DYNC2I2: variants seen among roughly 807,000 people sequenced by gnomAD.
DYNC2I2 encodes cytoplasmic dynein 2 intermediate chain 2.
Under a neutral mutation model 52.0 loss-of-function variants are expected in DYNC2I2, and 39 were observed. The observed-to-expected ratio is 0.75, with a 90% CI of 0.58 to 0.98. The LOEUF (loss-of-function observed/expected upper bound fraction) is 0.98. Ranked by LOEUF, DYNC2I2 falls within the 50% of genes least tolerant of loss-of-function variation. The pLI is 0.00. For synonymous variants in DYNC2I2, 359 were observed against 321.1 expected (o/e 1.12, Z -1.26); for missense variants, 743 against 728.4 (o/e 1.02, Z -0.23).
the DYNC2I2 span, among the ~76,000 whole-genome samples, chr9:128,667,365 G>A: frequency 7.3e-5 from 11 of 151,706 alleles, no homozygotes; most frequent in South Asian, 6.3e-4. Flanking sequence ...TCACACTGTC[G>A]CCCAGGATGG....
the DYNC2I2 span, among the ~76,000 whole-genome samples, chr9:128,674,469 C>T: frequency 1.4e-5 from 2 of 145,934 alleles, no homozygotes; most frequent in South Asian, 2.5e-4. Flanking sequence ...TTTGGCCTGG[C>T]GTGGTGGCTC....
the DYNC2I2 span, among the ~76,000 whole-genome samples, chr9:128,668,165 T>C: frequency 2.0e-5 from 3 of 151,848 alleles, no homozygotes; most frequent in Non-Finnish European, 4.4e-5. Flanking sequence ...TTCATCATGT[T>C]GGCCAGGATG....
At chr9:128,668,003 C>CT in the DYNC2I2 span, among the ~76,000 whole-genome samples, 1 of 124,458 alleles carries the variant, frequency 8.0e-6, no homozygotes, top group African/African-American at 3.4e-5. Context: ...GCTCTGTCAC[C>CT]AGGCTGGAGT....
the DYNC2I2 span, among the ~76,000 whole-genome samples, chr9:128,668,127 A>AT: frequency 6.6e-6 from 1 of 150,978 alleles, no homozygotes; most frequent in African/African-American, 2.4e-5. Flanking sequence ...TGCCCAGCTA[A>AT]TTTTTGTACT....
At chr9:128,668,978 C>A in the DYNC2I2 span, among the ~76,000 whole-genome samples, 1 of 152,014 alleles carries the variant, frequency 6.6e-6, no homozygotes, top group South Asian at 2.1e-4. Context: ...CACCTGTAAT[C>A]CCAGCACTTT....
chr9:128,672,424 C>T, the DYNC2I2 span, among the ~76,000 whole-genome samples: 51 of 151,294 alleles, frequency 3.4e-4, no homozygotes, highest in African/African-American at 1.2e-3. Context: ...AAACTCCTGA[C>T]CTCAGGTGAT....
chr9:128,661,660 G>C (rs1008089297), upstream of DYNC2I2, among the ~76,000 whole-genome samples: 8 of 152,000 alleles, frequency 5.3e-5, no homozygotes, highest in Admixed American at 2.6e-4. Flanking sequence ...GTGGTGTCAG[G>C]CACCTGTATT....
At chr9:128,635,853 G>T in intron 4 of DYNC2I2, 86 bp from the exon 5 acceptor site, 1 of 1,187,910 alleles carries the variant, frequency 8.4e-7, no homozygotes. Context: ...CCCACCTACA[G>T]GGCCAGGGCC....
the DYNC2I2 span, among the ~76,000 whole-genome samples, chr9:128,682,273 C>T: frequency 1.3e-5 from 2 of 151,950 alleles, no homozygotes; most frequent in Non-Finnish European, 2.9e-5. Flanking sequence ...CGATCTCGAT[C>T]TCCTGACCTC....
chr9:128,635,414 TC>T, intron 5 of DYNC2I2, 155 bp from the exon 6 acceptor site: 2 of 971,298 alleles, frequency 2.1e-6, no homozygotes, highest in Non-Finnish European at 3.0e-6. Flanking sequence ...CCTGGAGGGT[TC>T]CCAGGGCCCT....
chr9:128,656,541 C>A lies in DYNC2I2; in HGVS notation c.186G>T (p.Thr62=), dbSNP rs772526069. ...WRAVQGIRWE[T]KSCQTASIAT... ...CTCCGCGCGGGGCCCGCGCCCTCACCGTCTCCCAGCGGATGCCCTGGACGG... is the reference window on the plus strand; with the variant it reads ...CTCCGCGCGGGGCCCGCGCCCTCACAGTCTCCCAGCGGATGCCCTGGACGG... Residue 62 remains threonine, a splice_region_variant and synonymous_variant, in exon 1 of 9, where the codon ACG becomes ACT. Coordinates refer to ENST00000372715, the MANE Select transcript of DYNC2I2 (RefSeq NM_052844.4). 2.1e-6 allele frequency: 3 copies of A among 1,405,958 alleles called. No individual in the cohort carries two copies. Among genetic ancestry groups the A allele is most frequent in the Non-Finnish European group, 2.8e-6 (3 of 1,082,322 alleles). 87.1% of individuals were successfully genotyped at this position (1,405,958 alleles called of 1,614,324 possible). A position where few individuals can be genotyped will look rare whatever the true frequency, so the allele number is the denominator to read the frequency against.
In DYNC2I2 at chr9:128,635,171, A is replaced by G. The variant is rs1860365943; in HGVS notation, c.902T>C (p.Ile301Thr). ...TGTGAGCTGCAGCTGGCCTACCCCGATGCCCTGCCAGAGTAGCACCTTCCC... is the reference window on the plus strand; with the variant it reads ...TGTGAGCTGCAGCTGGCCTACCCCGGTGCCCTGCCAGAGTAGCACCTTCCC... ...TDGKVLLWQG[I>T]GVGQLQLTEG... Residue 301 changes from isoleucine (I) to threonine (T), a missense_variant, in exon 6 of 9, where the codon ATC (isoleucine) becomes ACC (threonine). Physicochemically the swap from Ile to Thr is moderately conservative, Grantham distance 89. Coordinates refer to ENST00000372715, the MANE Select transcript of DYNC2I2 (RefSeq NM_052844.4). The G allele has an allele frequency of 1.2e-6, 2 of 1,613,338 alleles. No homozygotes were observed. Among genetic ancestry groups the G allele is most frequent in the Admixed American group, 1.7e-5 (1 of 59,994 alleles).
the DYNC2I2 span, among the ~76,000 whole-genome samples, chr9:128,675,804 G>T: frequency 6.6e-6 from 1 of 152,136 alleles, no homozygotes; most frequent in Non-Finnish European, 1.5e-5. Flanking sequence ...CAGCTGCCCT[G>T]TAGCTCCATT....
chr9:128,684,061 C>T, the DYNC2I2 span: 27 of 1,402,950 alleles, frequency 1.9e-5, no homozygotes, highest in Non-Finnish European at 2.7e-5. Context: ...CAAGGATTGA[C>T]TCTCTGATTT....
intron 1 of DYNC2I2, among the ~76,000 whole-genome samples, chr9:128,654,598 C>A (rs1206366995): frequency 6.6e-6 from 1 of 152,036 alleles, no homozygotes; most frequent in Non-Finnish European, 1.5e-5. Flanking sequence ...CATTCTGTTA[C>A]CCAAACTGGA....
chr9:128,638,459 G>A (rs1860453804), intron 2 of DYNC2I2, among the ~76,000 whole-genome samples: 1 of 151,786 alleles, frequency 6.6e-6, no homozygotes, highest in South Asian at 2.1e-4. Context: ...AGAGGTTGCA[G>A]TGAGCCCAGA....
At chr9:128,639,242 T>C (rs867216520) in intron 2 of DYNC2I2, among the ~76,000 whole-genome samples, 1 of 151,610 alleles carries the variant, frequency 6.6e-6, no homozygotes, top group Non-Finnish European at 1.5e-5. Flanking sequence ...CTACCAAAAA[T>C]ACAAAATTAG....
the DYNC2I2 span, among the ~76,000 whole-genome samples, chr9:128,669,290 G>A: frequency 6.6e-6 from 1 of 152,038 alleles, no homozygotes; most frequent in East Asian, 1.9e-4. Flanking sequence ...GCGTGAACCT[G>A]GGAAGTGTAG....
In DYNC2I2 at chr9:128,650,541, A is replaced by ATATATATATATATG. The variant is rs1403022749; in HGVS notation, c.186+5999_186+6000insCATATATATATATA. ...GGCCAAAGACCATATATATATATAT[A>ATATATATATATATG]TATATATGCCACCACGCCCGGCTAA... On this transcript the variant is annotated intron_variant, in intron 1 of 8. Transcript: ENST00000372715. 1.4e-4 allele frequency among the ~76,000 whole-genome samples: 7 copies of ATATATATATATATG among 50,316 alleles called. 2 individuals carry two copies. Among genetic ancestry groups the ATATATATATATATG allele is most frequent in the African/African-American group, 2.9e-4 (7 of 23,734 alleles). The allele number at this position is 50,316 out of a possible 152,430, so 33.0% of individuals were successfully genotyped here.
Sources: allele counts gnomAD v4.1 joint callset (sites outside exome capture counted in the v4.1 genomes callset), GRCh38; gene constraint gnomAD v4.1.1; transcripts MANE v1.5; gene names NCBI Gene and HGNC (gene_info 2026-07-23, HGNC 2026-07-21).